The following PLEC variants were observed in gnomAD, a reference collection of about 807,000 sequenced individuals.
PLEC encodes hemidesmosomal protein 1.
A neutral mutation model predicts 392.8 loss-of-function variants in PLEC; 216 were observed. The ratio of observed to expected loss-of-function variants is 0.55; its 90% confidence interval spans 0.49 to 0.62. PLEC has a LOEUF of 0.62. Ranked by LOEUF, PLEC falls within the 20% of genes least tolerant of loss-of-function variation. The pLI, the probability that PLEC is intolerant of heterozygous loss-of-function variation, is 0.00. For synonymous variants in PLEC, 3,621 were observed against 2,980.6 expected (o/e 1.21, Z -7.00); for missense variants, 6,863 against 6,563.4 (o/e 1.05, Z -1.58).
intron 5 of PLEC, among the ~76,000 whole-genome samples, chr8:143,936,463 T>G (rs1434044733): frequency 2.0e-5 from 3 of 152,182 alleles, no homozygotes; most frequent in African/African-American, 7.2e-5. Context: ...CATCGATGGT[T>G]GCAGGCTGGC....
chr8:143,937,779 C>T (rs1554724697), intron 3 of PLEC: 1 of 511,534 alleles, frequency 2.0e-6, no homozygotes, highest in Admixed American at 2.3e-5. Flanking sequence ...CGTCCCGCTC[C>T]CTCGGCTGCC....
upstream of PLEC, chr8:143,943,650 G>T: frequency 1.2e-6 from 1 of 868,936 alleles, no homozygotes; most frequent in Non-Finnish European, 1.8e-6. Context: ...GTGGGGTGGA[G>T]GGGCAACACT....
intron 1 of PLEC, among the ~76,000 whole-genome samples, chr8:143,964,909 C>T (rs1833014163): frequency 6.6e-6 from 1 of 152,176 alleles, no homozygotes; most frequent in Non-Finnish European, 1.5e-5. Context: ...AAAGCCACAA[C>T]CAGAGACCTT....
At chr8:143,966,617 C>A (rs1395308596) in intron 1 of PLEC, among the ~76,000 whole-genome samples, 1 of 151,294 alleles carries the variant, frequency 6.6e-6, no homozygotes, top group Non-Finnish European at 1.5e-5. Flanking sequence ...TTGTTTCAAG[C>A]CACACCTGCC....
rs1554697383 is a variant in PLEC, at chr8:143,924,443, G to A, written c.5486C>T (p.Ala1829Val). The A allele has an allele frequency of 1.3e-6, 2 of 1,564,678 alleles. No individual in the cohort carries two copies. Among genetic ancestry groups the A allele is most frequent in the Middle Eastern group, 1.8e-4 (1 of 5,630 alleles). The part of the protein sequence containing the change: ...LAEEDAARQR[A>V]EAERVLAEKL... The stretch of plus-strand genomic sequence containing the variant: ...CTCCGCAAGCACCCGCTCCGCCTCG[G>A]CCCGCTGCCGCGCCGCGTCTTCCTC... The change falls in exon 31 of 32, where the codon GCC (alanine) becomes GTC (valine). Residue 1829 changes from alanine to valine, a missense_variant. Transcript: ENST00000345136.
upstream of PLEC, among the ~76,000 whole-genome samples, chr8:143,975,870 C>G (rs1287953042): frequency 4.6e-5 from 7 of 152,176 alleles, no homozygotes; most frequent in Non-Finnish European, 1.0e-4. The surrounding 1 kb of genome is among the most constrained non-coding windows in gnomAD (Gnocchi z 9.9). Flanking sequence ...CTGCCTCCAT[C>G]CCAAACTGGA....
Position 143,922,144 on chromosome 8 carries a change from C to G in PLEC, c.7677G>C (p.Gln2559His). The G allele has an allele frequency of 6.5e-7, 1 of 1,539,990 alleles. No individual in the cohort carries two copies. Among genetic ancestry groups the G allele is most frequent in the Non-Finnish European group, 8.7e-7 (1 of 1,148,376 alleles). Residue 2559 changes from glutamine to histidine, a missense_variant, in exon 32 of 32, where the codon CAG becomes CAC. Transcript: ENST00000345136. ...GCCGCACGCCCTCCTCGGCCTCATG[C>G]TGCCGCCGCCGCGCCTCCTCCATGC... is the stretch of plus-strand genomic sequence containing the variant. ...VASMEEARRR[Q>H]HEAEEGVRRK...
At chr8:143,937,791 G>A (rs1203059124) in intron 3 of PLEC, 3 of 519,324 alleles carry the variant, frequency 5.8e-6, no homozygotes, top group African/African-American at 1.9e-5. Context: ...TCGGCTGCCC[G>A]GCCAGAGCAG....
chr8:143,919,667 G>T lies in PLEC; in HGVS notation c.10154C>A (p.Ala3385Asp). 6.3e-7 allele frequency: 1 copy of T among 1,596,824 alleles called. No homozygotes were observed. The change falls in exon 32 of 32, where the codon GCT (alanine) becomes GAT (aspartate). Residue 3385 changes from alanine (A) to aspartate (D), a missense_variant. Physicochemically the swap from Ala to Asp is moderately radical, Grantham distance 126. Coordinates refer to ENST00000345136, the MANE Select transcript of PLEC (RefSeq NM_201384.3). ...MRRGLLRATT[A>D]ALLLEAQAAT... ...CGCCTGCGCCTCCAGCAGGAGCGCA[G>T]CCGTTGTGGCTCTCAGCAGGCCCCG...
rs372807129 is a variant in PLEC, at chr8:143,921,625, C to T, written c.8196G>A (p.Ala2732=). Residue 2732 remains alanine (A), a synonymous_variant, in exon 32 of 32, where the codon GCG becomes GCA. Coordinates refer to ENST00000345136, the MANE Select transcript of PLEC (RefSeq NM_201384.3). ...CCAGCAGGAAGCCTGAGGCCGCCTG[C>T]GCCTCCAGCAGGATGAGGGCCGTGC... ...SPGTALILLE[A]QAASGFLLDP... The T allele has an allele frequency of 2.8e-5, 45 of 1,612,658 alleles. No homozygotes were observed. The highest frequency in any genetic ancestry group is 8.0e-5 in the African/African-American group (6 of 74,858).
In PLEC at chr8:143,927,922, G is replaced by GCTCCTCGTGGGCCCTGAGCAC. The variant is rs1825826708; in HGVS notation, c.3310_3330dup (p.Val1104_Glu1110dup). On this transcript the variant is annotated inframe_insertion, in exon 26 of 32. Coordinates refer to ENST00000345136, the MANE Select transcript of PLEC (RefSeq NM_201384.3). ...GGCACGGCCTGGGCCTCCTTGAGCT[G>GCTCCTCGTGGGCCCTGAGCAC]CTCCTCGTGGGCCCTGAGCACCTCC... 1 of 1,601,130 alleles carries GCTCCTCGTGGGCCCTGAGCAC rather than the reference G, an allele frequency of 6.2e-7. No homozygotes were observed. Among genetic ancestry groups the GCTCCTCGTGGGCCCTGAGCAC allele is most frequent in the Non-Finnish European group, 8.5e-7 (1 of 1,174,954 alleles).
intron 16 of PLEC, 78 bp from the exon 17 acceptor site, chr8:143,932,312 G>GC: frequency 6.2e-7 from 1 of 1,606,132 alleles, no homozygotes; most frequent in Non-Finnish European, 8.5e-7. Flanking sequence ...TCGACCCAGG[G>GC]CCCCCACTGG....
In PLEC at chr8:143,920,196, G is replaced by A; in HGVS notation, c.9625C>T (p.Leu3209=). Residue 3209 remains leucine (L), a synonymous_variant, in exon 32 of 32, where the codon CTG becomes TTG. Coordinates refer to ENST00000345136, the MANE Select transcript of PLEC (RefSeq NM_201384.3). ...CRPDQLTGLS[L]LPLSEKAARA... ...GCAGCCTTTTCTGAGAGCGGCAGCA[G>A]GCTCAGCCCGGTCAGCTGGTCGGGC... The A allele has an allele frequency of 6.2e-7, 1 of 1,610,372 alleles. No individual in the cohort carries two copies. Among genetic ancestry groups the A allele is most frequent in the East Asian group, 2.2e-5 (1 of 44,870 alleles).
rs782201814 is a variant in PLEC at position 143,939,307 on chromosome 8, G to A, written c.112+43C>T. 1.4e-5 allele frequency: 22 copies of A among 1,585,710 alleles called. No individual in the cohort carries two copies. In the East Asian group the frequency reaches 4.8e-4, roughly 35 times the overall value. ...GGAAGTGGGCCTTCCTCCCGCAGGG[G>A]CCCGCCCTGCCTGGCGGGGGTGCCC... On this transcript the variant is annotated intron_variant, in intron 1 of 31. Coordinates refer to ENST00000345136, the MANE Select transcript of PLEC (RefSeq NM_201384.3).
At chr8:143,975,219 T>A, upstream of PLEC, 1 of 1,604,386 alleles carries the variant, frequency 6.2e-7, no homozygotes, top group Non-Finnish European at 8.5e-7. The surrounding 1 kb of genome is among the most constrained non-coding windows in gnomAD (Gnocchi z 9.9). Context: ...TCCAGGACAC[T>A]CCCGTTGCTC....
intron 30 of PLEC, 144 bp downstream of exon 30, chr8:143,926,640 G>T: frequency 1.3e-6 from 1 of 771,550 alleles, no homozygotes; most frequent in East Asian, 2.5e-5. Flanking sequence ...AGGCTGAGCT[G>T]GGGGCAGGGG....
At chr8:143,943,995 C>T (rs1384396903), upstream of PLEC, 20 of 1,521,682 alleles carry the variant, frequency 1.3e-5, no homozygotes, top group South Asian at 7.1e-5. Flanking sequence ...GGGGGAGCGC[C>T]GGGACCGGAG....
At chr8:143,936,926 G>A in intron 5 of PLEC, 53 bp downstream of exon 5, 1 of 1,402,276 alleles carries the variant, frequency 7.1e-7, no homozygotes, top group East Asian at 2.3e-5. Flanking sequence ...AGGAGCCCAG[G>A]CTACCCTGGA....
At position 143,919,263 on chromosome 8, in the gene PLEC, T is replaced by C; in HGVS notation, c.10558A>G (p.Asn3520Asp). The C allele has an allele frequency of 6.2e-7, 1 of 1,613,968 alleles. No homozygotes were observed. Among genetic ancestry groups the C allele is most frequent in the Non-Finnish European group, 8.5e-7 (1 of 1,180,014 alleles). The change falls in exon 32 of 32, where the codon AAC becomes GAC. Residue 3520 changes from asparagine (N) to aspartate (D), a missense_variant. Transcript: ENST00000345136. Reference sequence around the variant, plus strand: ...TCCAGCAGCTGCCTGTACGTGAGGTTCTCATGCGTGTTGGGGTCAAAGAAG... The same window carrying C: ...TCCAGCAGCTGCCTGTACGTGAGGTCCTCATGCGTGTTGGGGTCAAAGAAG... ...KGFFDPNTHE[N>D]LTYRQLLERC...
Sources: gnomAD v4.1 joint callset for allele counts (sites outside exome capture counted in the v4.1 genomes callset) on GRCh38, gnomAD v4.1.1 for gene constraint, Gnocchi (gnomAD v3.1) non-coding constraint, MANE v1.5 for transcripts, NCBI Gene and HGNC (gene_info 2026-07-23, HGNC 2026-07-21) for gene names.